The following MAGI2 variants were observed in gnomAD, a reference collection of about 807,000 sequenced individuals.
MAGI2 encodes the protein membrane-associated guanylate kinase, WW and PDZ domain-containing protein 2.
A neutral mutation model predicts 133.3 loss-of-function variants in MAGI2; 35 were observed. The observed-to-expected ratio is 0.26, with a 90% CI of 0.20 to 0.35. The LOEUF (loss-of-function observed/expected upper bound fraction) is 0.35, where lower values mean the gene tolerates loss of function less well. MAGI2 is among the 10% of genes least tolerant of loss of function. MAGI2 has a pLI of 1.00. For synonymous variants in MAGI2, 729 were observed against 710.6 expected (o/e 1.03, Z -0.41); for missense variants, 1,636 against 1,863.4 (o/e 0.88, Z 2.25).
chr7:78,367,028 T>C (rs1793448119), intron 7 of MAGI2, among the ~76,000 whole-genome samples: 1 of 151,962 alleles, frequency 6.6e-6, no homozygotes, highest in Admixed American at 6.6e-5. Context: ...ACATTCTATA[T>C]AATACTCTGA....
intron 2 of MAGI2, among the ~76,000 whole-genome samples, chr7:78,838,979 C>A (rs1791894730): frequency 6.6e-6 from 1 of 151,934 alleles, no homozygotes; most frequent in Non-Finnish European, 1.5e-5. Context: ...AACTTATGTG[C>A]ATATGTTTGA....
intron 2 of MAGI2, among the ~76,000 whole-genome samples, chr7:78,736,891 T>G (rs531708143): frequency 6.6e-6 from 1 of 152,310 alleles, no homozygotes; most frequent in African/African-American, 2.4e-5. Context: ...TGTGACAAAA[T>G]GAAAAATGCA....
intron 3 of MAGI2, among the ~76,000 whole-genome samples, chr7:78,605,583 ATAT>A (rs1805718486): frequency 6.6e-6 from 1 of 152,228 alleles, no homozygotes; most frequent in South Asian, 2.1e-4. Flanking sequence ...CCAAATCAAA[ATAT>A]TATAATTCTG....
At chr7:79,077,594 A>AAAAAAAAAG (rs1815634530) in intron 1 of MAGI2, among the ~76,000 whole-genome samples, 1 of 53,604 alleles carries the variant, frequency 1.9e-5, no homozygotes, top group Non-Finnish European at 4.9e-5. Flanking sequence ...AAAAAAAAAA[A>AAAAAAAAAG]ATAAATAAAT....
intron 2 of MAGI2, among the ~76,000 whole-genome samples, chr7:78,677,406 A>G (rs1815165840): frequency 6.6e-6 from 1 of 151,842 alleles, no homozygotes; most frequent in Non-Finnish European, 1.5e-5. Context: ...GACATATATT[A>G]AAGTATATTT....
At chr7:78,447,612 G>T (rs1440100391) in intron 6 of MAGI2, among the ~76,000 whole-genome samples, 1 of 152,062 alleles carries the variant, frequency 6.6e-6, no homozygotes, top group African/African-American at 2.4e-5. Context: ...TGACATTTGG[G>T]CAAGTTGACT....
rs1584875221 is a variant in MAGI2 at position 79,078,244 on chromosome 7, G to C, written c.302-71038C>G. Among the ~76,000 whole-genome samples the C allele has an allele frequency of 2.0e-5, 3 of 152,268 alleles. No individual in the cohort carries two copies. In the South Asian group the frequency reaches 6.2e-4, roughly 32 times the overall value. On this transcript the variant is annotated intron_variant, in intron 1 of 21. Coordinates refer to ENST00000354212, the MANE Select transcript of MAGI2 (RefSeq NM_012301.4). ...TCAATGCATGTCTCAGGCTATTTAA[G>C]TGTTCTCCACAGAGTTCTTAGTACA...
At chr7:78,254,603 C>T (rs990131886) in intron 10 of MAGI2, 2 of 152,178 alleles carry the variant, frequency 1.3e-5, no homozygotes, top group African/African-American at 4.8e-5. Flanking sequence ...GAGTGCTGCT[C>T]ACAAATGCCT....
chr7:79,200,851 T>C (rs927415231), intron 1 of MAGI2, among the ~76,000 whole-genome samples: 2 of 151,916 alleles, frequency 1.3e-5, no homozygotes, highest in Non-Finnish European at 2.9e-5. Flanking sequence ...CTGAGAAATG[T>C]ATGTATTTTT....
Position 78,691,344 on chromosome 7 carries a change from G to A in MAGI2, c.419-64105C>T, listed in dbSNP as rs184316535. On this transcript the variant is annotated intron_variant, in intron 2 of 21. Coordinates refer to ENST00000354212, the MANE Select transcript of MAGI2 (RefSeq NM_012301.4). ...TAGAACCATGTGTGGCTTGATTCCTGTTTTACTCCCAGAGTTTATTGCAGG... is the reference window on the plus strand; with the variant it reads ...TAGAACCATGTGTGGCTTGATTCCTATTTTACTCCCAGAGTTTATTGCAGG... 7.2e-5 allele frequency among the ~76,000 whole-genome samples: 11 copies of A among 152,264 alleles called. No individual in the cohort carries two copies. In the East Asian group the frequency reaches 1.2e-3, roughly 16 times the overall value.
chr7:78,958,928 T>C (rs1233031734), intron 2 of MAGI2, among the ~76,000 whole-genome samples: 3 of 152,198 alleles, frequency 2.0e-5, no homozygotes, highest in Non-Finnish European at 4.4e-5. Flanking sequence ...TGATGATGTT[T>C]ACTTCTCTTT....
chr7:79,095,586 T>A (rs769799833), intron 1 of MAGI2, among the ~76,000 whole-genome samples: 1 of 152,184 alleles, frequency 6.6e-6, no homozygotes, highest in Non-Finnish European at 1.5e-5. Context: ...AGTTTCAATA[T>A]TATTGTGTCT....
At chr7:78,213,864 T>C (rs1005928210) in intron 10 of MAGI2, among the ~76,000 whole-genome samples, 2 of 152,206 alleles carry the variant, frequency 1.3e-5, no homozygotes, top group Admixed American at 1.3e-4. Flanking sequence ...AAGGTTTTCC[T>C]TCTAACACTT....
At chr7:79,064,429 C>T (rs915976814) in intron 1 of MAGI2, among the ~76,000 whole-genome samples, 11 of 151,920 alleles carry the variant, frequency 7.2e-5, no homozygotes, top group African/African-American at 2.4e-4. Flanking sequence ...GTGCCTAAAC[C>T]GGATCCCAGA....
intron 2 of MAGI2, chr7:79,006,814 G>C (rs1584652229): frequency 3.3e-6 from 1 of 300,534 alleles, no homozygotes; most frequent in Non-Finnish European, 6.1e-6. Flanking sequence ...CAACAGTCTG[G>C]ACTAGAATCA....
intron 2 of MAGI2, among the ~76,000 whole-genome samples, chr7:78,712,996 AC>A (rs1449456518): frequency 2.6e-5 from 4 of 152,202 alleles, no homozygotes; most frequent in African/African-American, 9.6e-5. Flanking sequence ...ATGGGAATTT[AC>A]ATACGAAAAT....
intron 2 of MAGI2, among the ~76,000 whole-genome samples, chr7:78,943,845 T>G (rs1238465189): frequency 6.6e-6 from 1 of 152,200 alleles, no homozygotes; most frequent in Admixed American, 6.5e-5. Flanking sequence ...TTATCAAGAC[T>G]GACTTCATTC....
intron 1 of MAGI2, among the ~76,000 whole-genome samples, chr7:79,324,618 T>TAA (rs746803714): frequency 1.1e-5 from 1 of 90,058 alleles, no homozygotes; most frequent in African/African-American, 4.7e-5. Context: ...AAAATATATA[T>TAA]AATATATATA....
intron 5 of MAGI2, among the ~76,000 whole-genome samples, chr7:78,491,097 A>G (rs1419065255): frequency 2.0e-5 from 3 of 152,154 alleles, no homozygotes; most frequent in Non-Finnish European, 4.4e-5. Flanking sequence ...GTTGCCAATC[A>G]TAACCATAAA....
Sources: gnomAD v4.1 joint callset for allele counts (sites outside exome capture counted in the v4.1 genomes callset) on GRCh38, gnomAD v4.1.1 for gene constraint, MANE v1.5 for transcripts, NCBI Gene and HGNC (gene_info 2026-07-23, HGNC 2026-07-21) for gene names.